TET1: variants seen among roughly 807,000 people sequenced by gnomAD.
TET1 encodes the protein methylcytosine dioxygenase TET1.
TET1 carries 13 observed loss-of-function variants against 148.7 expected under a neutral mutation model. The observed-to-expected ratio is 0.09, with a 90% CI of 0.06 to 0.14. The LOEUF is 0.14. Among genes scored for constraint, TET1 ranks in the 10% least tolerant of loss-of-function variants. The pLI, the probability that TET1 is intolerant of heterozygous loss-of-function variation, is 1.00. For synonymous variants in TET1, 907 were observed against 937.2 expected, an observed-to-expected ratio of 0.97 and a Z score of 0.59; for missense variants, 2,182 against 2,553.8, an observed-to-expected ratio of 0.85 and a Z score of 3.14.
At chr10:68,662,955 G>A (rs1394245298) in intron 6 of TET1, among the ~76,000 whole-genome samples, 1 of 152,110 alleles carries the variant, frequency 6.6e-6, no homozygotes, top group Non-Finnish European at 1.5e-5. Flanking sequence ...AAAAAGAACA[G>A]TTTTAAAAGA....
intron 3 of TET1, among the ~76,000 whole-genome samples, chr10:68,634,887 G>A (rs2054627769): frequency 6.6e-6 from 1 of 151,974 alleles, no homozygotes; most frequent in Non-Finnish European, 1.5e-5. Flanking sequence ...TCAGCCTCCT[G>A]TGTAGCTGAG....
chr10:68,654,540 C>A (rs910504464), intron 6 of TET1, among the ~76,000 whole-genome samples: 26 of 152,240 alleles, frequency 1.7e-4, no homozygotes, highest in African/African-American at 5.1e-4. Flanking sequence ...TTGCTTGAAC[C>A]CCCGAGGTGG....
Position 68,672,877 on chromosome 10 carries a change from T to C in TET1, c.4674-18T>C, listed in dbSNP as rs755875975. ...GTAATGCTTCATCAATTCACTCTCT[T>C]GAATTACAATCTTACAGTCGTACCT... is the stretch of plus-strand genomic sequence containing the variant. On this transcript the variant is annotated intron_variant, in intron 7 of 11. Transcript: ENST00000373644. 3 of 1,594,646 alleles carry C rather than the reference T, an allele frequency of 1.9e-6. 1 individual carries two copies. In the South Asian group the frequency reaches 3.4e-5, roughly 18 times the overall value.
rs574835128 is a variant in TET1 at position 68,645,366 on chromosome 10, G to C, written c.2637G>C (p.Ser879=). 6.2e-7 allele frequency: 1 copy of C among 1,614,094 alleles called. No individual in the cohort carries two copies. Among genetic ancestry groups the C allele is most frequent in the Non-Finnish European group, 8.5e-7 (1 of 1,180,034 alleles). The change falls in exon 4 of 12, where the codon TCG becomes TCC. Residue 879 remains serine, a synonymous_variant. Transcript: ENST00000373644. ...DGSPVQPSLL[S]LMKDRRLTLE... is the part of the protein sequence containing the mutation. ...CTCCCGTTCAACCAAGTCTCTTATC[G>C]TTAATGAAAGATAGGAGATTAACAT...
intron 8 of TET1, among the ~76,000 whole-genome samples, chr10:68,676,266 A>AT (rs1564506346): frequency 3.1e-4 from 5 of 16,026 alleles, no homozygotes; most frequent in African/African-American, 6.5e-4. Context: ...ATATATATAT[A>AT]TATTTTTTTT....
intron 6 of TET1, among the ~76,000 whole-genome samples, chr10:68,663,496 T>C (rs1397323599): frequency 2.0e-5 from 3 of 152,208 alleles, no homozygotes; most frequent in Non-Finnish European, 4.4e-5. Flanking sequence ...AAAAATCAAG[T>C]AGATTTTTCT....
chr10:68,680,844 C>T (rs1448205226), intron 8 of TET1, among the ~76,000 whole-genome samples: 1 of 152,196 alleles, frequency 6.6e-6, no homozygotes, highest in Admixed American at 6.5e-5. Flanking sequence ...CTAAACCTCT[C>T]AGTTATCCTG....
chr10:68,615,566 G>A (rs749445076), intron 3 of TET1, among the ~76,000 whole-genome samples: 3 of 151,940 alleles, frequency 2.0e-5, no homozygotes, highest in Non-Finnish European at 2.9e-5. Flanking sequence ...GGCTGGTCAC[G>A]AACTCCTGAC....
chr10:68,639,440 T>C (rs918697805), intron 3 of TET1, among the ~76,000 whole-genome samples: 1 of 87,710 alleles, frequency 1.1e-5, no homozygotes, highest in African/African-American at 3.4e-5. Context: ...CTATTACTAT[T>C]ATTATTACTA....
intron 10 of TET1, among the ~76,000 whole-genome samples, chr10:68,683,948 A>C (rs1230957881): frequency 6.6e-6 from 1 of 152,170 alleles, no homozygotes; most frequent in Non-Finnish European, 1.5e-5. Flanking sequence ...CCCAGTGGAA[A>C]ATCTTGAAAT....
intron 3 of TET1, among the ~76,000 whole-genome samples, chr10:68,620,169 C>T (rs113544580): frequency 0.015 from 2,286 of 152,188 alleles, 46 homozygotes; most frequent in African/African-American, 0.052. Flanking sequence ...AGCGACAGAG[C>T]GAGACTTTGT....
chr10:68,646,759 A>G lies in TET1; in HGVS notation c.4030A>G (p.Thr1344Ala). The change falls in exon 4 of 12, where the codon ACA (threonine) becomes GCA (alanine). Residue 1344 changes from threonine (T) to alanine (A), a missense_variant. Physicochemically the swap from Thr to Ala is moderately conservative, Grantham distance 58. Transcript: ENST00000373644. Reference protein sequence around the residue: ...LPTLPGISHETPLPESALTLR... With the variant: ...LPTLPGISHEAPLPESALTLR... The stretch of plus-strand genomic sequence containing the variant: ...AACATTGCCTGGTATCTCTCATGAA[A>G]CACCCTTACCGGAGTCAGCACTAAC... The G allele has an allele frequency of 6.2e-7, 1 of 1,614,108 alleles. No individual in the cohort carries two copies. The highest frequency in any genetic ancestry group is 8.5e-7 in the Non-Finnish European group (1 of 1,180,016).
intron 8 of TET1, among the ~76,000 whole-genome samples, chr10:68,673,939 T>TC (rs1331078123): frequency 7.0e-6 from 1 of 143,850 alleles, no homozygotes; most frequent in Non-Finnish European, 1.5e-5. Context: ...CTTTTTCTTT[T>TC]TTTTTTTTCT....
intron 2 of TET1, among the ~76,000 whole-genome samples, chr10:68,591,568 A>G (rs2053919292): frequency 6.6e-6 from 1 of 152,182 alleles, no homozygotes; most frequent in Non-Finnish European, 1.5e-5. Flanking sequence ...AACTAAAGAA[A>G]TAAGCCTTTT....
chr10:68,608,219 T>A (rs1047978793), intron 3 of TET1, among the ~76,000 whole-genome samples: 10 of 138,770 alleles, frequency 7.2e-5, no homozygotes, highest in African/African-American at 2.7e-4. Flanking sequence ...TGAGCCACCG[T>A]GCCCAGCCGA....
intron 3 of TET1, among the ~76,000 whole-genome samples, chr10:68,619,573 G>T (rs2054340876): frequency 6.6e-6 from 1 of 152,034 alleles, no homozygotes; most frequent in African/African-American, 2.4e-5. Context: ...ATTGTAAATT[G>T]ACAAACAATA....
intron 11 of TET1, among the ~76,000 whole-genome samples, chr10:68,687,359 G>T (rs961136671): frequency 6.6e-6 from 1 of 151,408 alleles, no homozygotes; most frequent in African/African-American, 2.4e-5. Context: ...ACAGCACTGT[G>T]CCCAGCTAAT....
At chr10:68,567,898 C>T (rs1457335943) in intron 1 of TET1, among the ~76,000 whole-genome samples, 2 of 152,118 alleles carry the variant, frequency 1.3e-5, no homozygotes, top group African/African-American at 2.4e-5. Context: ...CACCATGAGA[C>T]GGAGTTCCTA....
At chr10:68,593,327 A>G (rs2053940546) in intron 2 of TET1, among the ~76,000 whole-genome samples, 1 of 151,998 alleles carries the variant, frequency 6.6e-6, no homozygotes. Context: ...ATTGTGAAAA[A>G]CAAATTAATA....
Sources: gnomAD v4.1 joint callset for allele counts (sites outside exome capture counted in the v4.1 genomes callset) on GRCh38, gnomAD v4.1.1 for gene constraint, MANE v1.5 for transcripts, NCBI Gene and HGNC (gene_info 2026-07-23, HGNC 2026-07-21) for gene names.